ROBO2: variants seen among roughly 807,000 people sequenced by gnomAD.
ROBO2 encodes the protein roundabout guidance receptor 2, also known as roundabout homolog 2.
A neutral mutation model predicts 160.8 loss-of-function variants in ROBO2; 53 were observed. The ratio of observed to expected loss-of-function variants is 0.33; its 90% CI spans 0.26 to 0.41. The LOEUF is 0.41. ROBO2 is among the 10% of genes least tolerant of loss of function. The pLI is 1.00. For missense variants in ROBO2, 1,577 were observed against 1,722.4 expected (o/e 0.92, Z 1.49); for synonymous variants, 664 against 611.7 (o/e 1.09, Z -1.26).
intron 5 of ROBO2, among the ~76,000 whole-genome samples, chr3:77,514,927 G>A (rs1226772065): frequency 6.6e-6 from 1 of 151,712 alleles, no homozygotes; most frequent in Non-Finnish European, 1.5e-5. Flanking sequence ...AGGGAAAGCA[G>A]AGACTGGTAG....
At chr3:76,084,246 A>G (rs2068932921) in intron 2 of ROBO2, among the ~76,000 whole-genome samples, 1 of 152,152 alleles carries the variant, frequency 6.6e-6, no homozygotes, top group Non-Finnish European at 1.5e-5. Flanking sequence ...CGCTCTTCAT[A>G]TGACTCATGT....
At chr3:75,934,580 A>G (rs1236638713) in intron 1 of ROBO2, among the ~76,000 whole-genome samples, 2 of 152,176 alleles carry the variant, frequency 1.3e-5, no homozygotes, top group African/African-American at 4.8e-5. Flanking sequence ...TATGATTTTT[A>G]TATTTATAGA....
intron 2 of ROBO2, among the ~76,000 whole-genome samples, chr3:76,902,880 G>C (rs1461594279): frequency 6.6e-6 from 1 of 151,730 alleles, no homozygotes; most frequent in African/African-American, 2.4e-5. Context: ...CAAAAACTAT[G>C]TTATATAATA....
chr3:76,791,840 A>T (rs1021570820), intron 2 of ROBO2, among the ~76,000 whole-genome samples: 1 of 151,864 alleles, frequency 6.6e-6, no homozygotes, highest in East Asian at 1.9e-4. Context: ...ACAAAATGAT[A>T]CAGCAATTAA....
chr3:77,590,190 C>T (rs1376669808), intron 17 of ROBO2, among the ~76,000 whole-genome samples: 11 of 152,070 alleles, frequency 7.2e-5, no homozygotes, highest in African/African-American at 4.8e-5. Context: ...TGTTAGAAGA[C>T]ATTTCCAGGA....
intron 2 of ROBO2, among the ~76,000 whole-genome samples, chr3:76,305,983 G>A (rs536236132): frequency 1.3e-5 from 2 of 152,232 alleles, no homozygotes; most frequent in South Asian, 4.1e-4. Context: ...TGCATCGCAG[G>A]GTGTGTAGCA....
chr3:76,906,521 G>C (rs2148902968), intron 2 of ROBO2, among the ~76,000 whole-genome samples: 1 of 151,642 alleles, frequency 6.6e-6, no homozygotes, highest in East Asian at 1.9e-4. Context: ...ATTAAGTAAA[G>C]GGTACCTGGC....
intron 2 of ROBO2, among the ~76,000 whole-genome samples, chr3:77,448,462 G>A (rs534507642): frequency 7.9e-5 from 12 of 152,110 alleles, no homozygotes; most frequent in Non-Finnish European, 1.8e-4. Flanking sequence ...GGCAAAGTCG[G>A]CCCTAATCTC....
In ROBO2 at chr3:76,877,296, G is replaced by A. The variant is rs17014871; in HGVS notation, c.110-220718G>A. Among the ~76,000 whole-genome samples the A allele has an allele frequency of 7.2e-5, 11 of 152,162 alleles. No homozygotes were observed. In the South Asian group the frequency reaches 1.0e-3, roughly 14 times the overall value. On this transcript the variant is annotated intron_variant, in intron 2 of 26. Transcript: ENST00000487694. The stretch of plus-strand genomic sequence containing the variant: ...CAAAAGATGGTAGTCTTAATCGTAC[G>A]CAAACAGTACACACCTAAGTGTGTT...
chr3:77,374,169 C>CAAAA (rs60357417), intron 2 of ROBO2, among the ~76,000 whole-genome samples: 48 of 40,114 alleles, frequency 1.2e-3, no homozygotes, highest in African/African-American at 5.5e-3. Context: ...GAGACTCCAT[C>CAAAA]AAAAAAAAAA....
intron 2 of ROBO2, among the ~76,000 whole-genome samples, chr3:76,280,698 C>T (rs1708183401): frequency 6.6e-6 from 1 of 151,890 alleles, no homozygotes; most frequent in African/African-American, 2.4e-5. Context: ...ATTTTTCTTT[C>T]ATTTTCTTTA....
intron 2 of ROBO2, among the ~76,000 whole-genome samples, chr3:76,469,056 A>AT (rs35690220): frequency 4.6e-5 from 7 of 151,944 alleles, no homozygotes; most frequent in South Asian, 4.2e-4. Flanking sequence ...CCCAGCAGTC[A>AT]TTTTTTTTAC....
chr3:77,378,931 A>C (rs999213640), intron 2 of ROBO2, among the ~76,000 whole-genome samples: 5 of 149,756 alleles, frequency 3.3e-5, no homozygotes, highest in African/African-American at 1.2e-4. Flanking sequence ...TCACTCCTTG[A>C]TGTCACTTCT....
intron 2 of ROBO2, among the ~76,000 whole-genome samples, chr3:77,364,999 G>A (rs1282462478): frequency 6.6e-6 from 1 of 151,968 alleles, no homozygotes; most frequent in Non-Finnish European, 1.5e-5. Flanking sequence ...ACAAAAATTA[G>A]CAAGGCATGG....
intron 2 of ROBO2, among the ~76,000 whole-genome samples, chr3:76,049,403 A>ATATATATATATATATTTTTTTTTT (rs1414664360): frequency 1.9e-5 from 1 of 53,752 alleles, no homozygotes; most frequent in African/African-American, 1.5e-4. Context: ...ATATATATAT[A>ATATATATATATATATTTTTTTTTT]TTTTTTTTTT....
chr3:77,428,182 T>C (rs952439171), intron 2 of ROBO2, among the ~76,000 whole-genome samples: 2 of 152,120 alleles, frequency 1.3e-5, no homozygotes, highest in African/African-American at 4.8e-5. Context: ...TCCTATTAAT[T>C]TAGAAAATTG....
intron 2 of ROBO2, among the ~76,000 whole-genome samples, chr3:76,477,812 AT>A (rs1227573223): frequency 1.3e-5 from 2 of 152,048 alleles, no homozygotes; most frequent in South Asian, 2.1e-4. Context: ...CTAAAAAAAA[AT>A]CTCCACAGGC....
intron 2 of ROBO2, among the ~76,000 whole-genome samples, chr3:76,254,091 G>C (rs918179024): frequency 3.3e-5 from 5 of 152,054 alleles, no homozygotes; most frequent in Non-Finnish European, 7.4e-5. Flanking sequence ...TTCATCTTTA[G>C]TAGGAGTAGT....
intron 2 of ROBO2, among the ~76,000 whole-genome samples, chr3:77,387,726 A>G (rs1258589102): frequency 6.6e-6 from 1 of 152,138 alleles, no homozygotes; most frequent in East Asian, 1.9e-4. Context: ...GCAGAAGGTT[A>G]AATATCCCCA....
Sources: allele counts gnomAD v4.1 joint callset (sites outside exome capture counted in the v4.1 genomes callset), GRCh38; gene constraint gnomAD v4.1.1; transcripts MANE v1.5; gene names NCBI Gene and HGNC (gene_info 2026-07-23, HGNC 2026-07-21).